Variants in GALR3 observed in about 807,000 individuals in gnomAD.
The protein encoded by GALR3 is galanin receptor 3.
A neutral mutation model predicts 6.9 loss-of-function variants in GALR3; 5 were observed. That is an observed-to-expected ratio of 0.72 (90% confidence interval 0.38 to 1.52). The LOEUF (loss-of-function observed/expected upper bound fraction) is 1.52. Ranked by LOEUF, GALR3 falls within the 40% of genes most tolerant of loss-of-function variation. The probability of loss-of-function intolerance (pLI) is 0.03; values close to 1 mark genes in which losing one functional copy is unlikely to be tolerated. For synonymous variants in GALR3, 308 were observed against 263.6 expected (o/e 1.17, Z -1.63); for missense variants, 570 against 545.6 (o/e 1.04, Z -0.44).
rs1922500869 is a variant in GALR3 at position 37,823,465 on chromosome 22, T to A, written c.59T>A (p.Val20Glu). ...DSPGSVGAVA[V>E]PVVFALIFLL... The stretch of plus-strand genomic sequence containing the variant: ...CCAGGGAGTGTGGGGGCCGTGGCAG[T>A]GCCTGTGGTCTTTGCCCTAATCTTC... The change falls in exon 1 of 2, where the codon GTG (valine) becomes GAG (glutamate). Residue 20 changes from valine (V) to glutamate (E), a missense_variant. Physicochemically the swap from Val to Glu is moderately radical, Grantham distance 121 (BLOSUM62 -2). Coordinates refer to ENST00000249041, the MANE Select transcript of GALR3 (RefSeq NM_003614.2). 4.3e-6 allele frequency: 7 copies of A among 1,612,198 alleles called. No homozygotes were observed. The highest frequency in any genetic ancestry group is 5.9e-6 in the Non-Finnish European group (7 of 1,178,734).
Position 37,825,168 on chromosome 22 carries a change from A to T in GALR3, c.805A>T (p.Thr269Ser), listed in dbSNP as rs777662943. 8.7e-6 allele frequency: 13 copies of T among 1,489,808 alleles called. No individual in the cohort carries two copies. In the South Asian group the frequency reaches 1.6e-4, roughly 18 times the overall value. The allele number at this position is 1,489,808 out of a possible 1,614,324, so 92.3% of individuals were successfully genotyped here. A position where few individuals can be genotyped will look rare whatever the true frequency, so the allele number is the denominator to read the frequency against. The change falls in exon 2 of 2, where the codon ACC (threonine) becomes TCC (serine). Residue 269 changes from threonine to serine, a missense_variant. By Grantham distance (58) the Thr-to-Ser change is moderately conservative. Coordinates refer to ENST00000249041, the MANE Select transcript of GALR3 (RefSeq NM_003614.2). ...CGGCCGCTTCGCCTTCAGCCCGGCCACCTACGCCTGCCGCCTGGCCTCACA... is the reference window on the plus strand; with the variant it reads ...CGGCCGCTTCGCCTTCAGCCCGGCCTCCTACGCCTGCCGCCTGGCCTCACA... Reference protein sequence around the residue: ...WYGRFAFSPATYACRLASHCL... With the variant: ...WYGRFAFSPASYACRLASHCL...
chr22:37,825,379 C>T lies in GALR3; in HGVS notation c.1016C>T (p.Pro339Leu), dbSNP rs924663766. 2.2e-6 allele frequency: 3 copies of T among 1,383,202 alleles called. No homozygotes were observed. Among genetic ancestry groups the T allele is most frequent in the Non-Finnish European group, 2.8e-6 (3 of 1,063,718 alleles). The allele number at this position is 1,383,202 out of a possible 1,614,324, so 85.7% of individuals were successfully genotyped here. The change falls in exon 2 of 2, where the codon CCT becomes CTT. Residue 339 changes from proline to leucine, a missense_variant. By Grantham distance (98) the Pro-to-Leu change is moderately conservative (BLOSUM62 -3). Coordinates refer to ENST00000249041, the MANE Select transcript of GALR3 (RefSeq NM_003614.2). ...GPPGCPGDARPSGRLLAGGGQ... is the reference protein window; with the variant it reads ...GPPGCPGDARLSGRLLAGGGQ... ...CCCGGCTGCCCCGGAGACGCCCGGC[C>T]TAGCGGGAGGCTGCTGGCTGGTGGC...
chr22:37,825,286 G>C lies in GALR3; in HGVS notation c.923G>C (p.Cys308Ser). The C allele has an allele frequency of 1.5e-6, 2 of 1,290,520 alleles. No individual in the cohort carries two copies. The highest frequency in any genetic ancestry group is 2.0e-6 in the Non-Finnish European group (2 of 1,019,486). 79.9% of individuals were successfully genotyped at this position (1,290,520 alleles called of 1,614,324 possible). A position where few individuals can be genotyped will look rare whatever the true frequency, so the allele number is the denominator to read the frequency against. The change falls in exon 2 of 2, where the codon TGC becomes TCC. Residue 308 changes from cysteine to serine, a missense_variant. By Grantham distance (112) the Cys-to-Ser change is moderately radical. Coordinates refer to ENST00000249041, the MANE Select transcript of GALR3 (RefSeq NM_003614.2). ...GCGCGCTTCCGCCGCCTGTGGCCGTGCGGCCGCCGACGCCGCCACCGTGCC... is the reference window on the plus strand; with the variant it reads ...GCGCGCTTCCGCCGCCTGTGGCCGTCCGGCCGCCGACGCCGCCACCGTGCC... ...FRARFRRLWPCGRRRRHRARR... is the reference protein window; with the variant it reads ...FRARFRRLWPSGRRRRHRARR...
chr22:37,825,398 T>G lies in GALR3; in HGVS notation c.1035T>G (p.Ala345=), dbSNP rs552259202. Reference sequence around the variant, plus strand: ...CCCGGCCTAGCGGGAGGCTGCTGGCTGGTGGCGGCCAGGGCCCGGAGCCCA... The same window carrying G: ...CCCGGCCTAGCGGGAGGCTGCTGGCGGGTGGCGGCCAGGGCCCGGAGCCCA... ...GDARPSGRLL[A]GGGQGPEPRE... The change falls in exon 2 of 2, where the codon GCT becomes GCG. Residue 345 remains alanine (A), a synonymous_variant. Coordinates refer to ENST00000249041, the MANE Select transcript of GALR3 (RefSeq NM_003614.2). 2 of 1,395,286 alleles carry G rather than the reference T, an allele frequency of 1.4e-6. No individual in the cohort carries two copies. Among genetic ancestry groups the G allele is most frequent in the South Asian group, 3.0e-5 (2 of 65,822 alleles). 86.4% of individuals were successfully genotyped at this position (1,395,286 alleles called of 1,614,324 possible).
Position 37,825,324 on chromosome 22 carries a change from C to T in GALR3, c.961C>T (p.Arg321Cys), listed in dbSNP as rs1922581813. ...RRRHRARRAL[R>C]RVRPASSGPP... ...CCGCCACCGTGCCCGCCGCGCCTTG[C>T]GTCGCGTCCGCCCCGCGTCCTCGGG... Residue 321 changes from arginine to cysteine, a missense_variant, in exon 2 of 2, where the codon CGT (arginine) becomes TGT (cysteine). Coordinates refer to ENST00000249041, the MANE Select transcript of GALR3 (RefSeq NM_003614.2). The T allele has an allele frequency of 3.2e-6, 4 of 1,258,892 alleles. No homozygotes were observed. The highest frequency in any genetic ancestry group is 2.4e-4 in the Middle Eastern group (1 of 4,246). 78.0% of individuals were successfully genotyped at this position (1,258,892 alleles called of 1,614,324 possible). A position where few individuals can be genotyped will look rare whatever the true frequency, so the allele number is the denominator to read the frequency against.
Position 37,823,770 on chromosome 22 carries a change from G to C in GALR3, c.359+5G>C. On this transcript the variant is annotated splice_donor_5th_base_variant and intron_variant, in intron 1 of 1. Transcript: ENST00000249041. ...GGCTGCTGTCTCCGTGGACAGGTGC[G>C]CTGTGCCTGGGGCCTGGCTGGGCAG... 6.4e-7 allele frequency: 1 copy of C among 1,554,676 alleles called. No homozygotes were observed. The highest frequency in any genetic ancestry group is 1.1e-5 in the South Asian group (1 of 89,018).
Position 37,823,493 on chromosome 22 carries a change from G to T in GALR3, c.87G>T (p.Leu29=). 1.2e-6 allele frequency: 2 copies of T among 1,614,044 alleles called. No homozygotes were observed. The highest frequency in any genetic ancestry group is 2.2e-5 in the East Asian group (1 of 44,872). The stretch of plus-strand genomic sequence containing the variant: ...CTGTGGTCTTTGCCCTAATCTTCCT[G>T]CTGGGCACAGTGGGCAATGGGCTGG... ...AVPVVFALIF[L]LGTVGNGLVL... is the part of the protein sequence containing the mutation. The change falls in exon 1 of 2, where the codon CTG becomes CTT. Residue 29 remains leucine, a synonymous_variant. Transcript: ENST00000249041.
chr22:37,825,435 G>C lies in GALR3; in HGVS notation c.1072G>C (p.Val358Leu), dbSNP rs1922586920. The C allele has an allele frequency of 7.2e-7, 1 of 1,390,258 alleles. No homozygotes were observed. Among genetic ancestry groups the C allele is most frequent in the Non-Finnish European group, 9.3e-7 (1 of 1,069,540 alleles). 86.1% of individuals were successfully genotyped at this position (1,390,258 alleles called of 1,614,324 possible). A position where few individuals can be genotyped will look rare whatever the true frequency, so the allele number is the denominator to read the frequency against. Residue 358 changes from valine (V) to leucine (L), a missense_variant, in exon 2 of 2, where the codon GTC becomes CTC. By Grantham distance (32) the Val-to-Leu change is conservative (BLOSUM62 1). Coordinates refer to ENST00000249041, the MANE Select transcript of GALR3 (RefSeq NM_003614.2). ...GGGCCCGGAGCCCAGGGAGGGACCC[G>C]TCCACGGCGGAGAGGCTGCCCGAGG... is the stretch of plus-strand genomic sequence containing the variant. ...GQGPEPREGP[V>L]HGGEAARGPE is the part of the protein sequence containing the mutation.
Position 37,824,716 on chromosome 22 carries a change from T to C in GALR3, c.360-7T>C, listed in dbSNP as rs13057964. The C allele has an allele frequency of 6.7e-6, 8 of 1,202,102 alleles. No homozygotes were observed. The African/African-American group carries it at 9.6e-5, about 14-fold the overall frequency. 74.5% of individuals were successfully genotyped at this position (1,202,102 alleles called of 1,614,324 possible). On this transcript the variant is annotated splice_region_variant and splice_polypyrimidine_tract_variant and intron_variant, in intron 1 of 1. Transcript: ENST00000249041. ...TGCCCGCCCCGCTGACCAGGCGCCC[T>C]CCGCAGGTACCTGGCCGTGCGGCAC...
chr22:37,824,593 C>T, intron 1 of GALR3, 130 bp from the exon 2 acceptor site: 1 of 415,288 alleles, frequency 2.4e-6, no homozygotes, highest in South Asian at 1.2e-4. Flanking sequence ...CGCGTTCACA[C>T]CCTTAATCCC....
At chr22:37,824,325 C>T (rs894507376) in intron 1 of GALR3, among the ~76,000 whole-genome samples, 1 of 152,074 alleles carries the variant, frequency 6.6e-6, no homozygotes, top group Non-Finnish European at 1.5e-5. Context: ...CCCGCCTCGG[C>T]CTCCCAAGTG....
chr22:37,824,874 C>T lies in GALR3; in HGVS notation c.511C>T (p.Leu171Phe), dbSNP rs1601709927. 7.2e-7 allele frequency: 1 copy of T among 1,398,256 alleles called. No individual in the cohort carries two copies. The highest frequency in any genetic ancestry group is 9.3e-7 in the Non-Finnish European group (1 of 1,072,358). The allele number at this position is 1,398,256 out of a possible 1,614,324, so 86.6% of individuals were successfully genotyped here. ...YGTVRYGALE[L>F]CVPAWEDARR... ...CACCGTGCGCTACGGCGCGCTGGAG[C>T]TCTGCGTGCCCGCCTGGGAGGACGC... Residue 171 changes from leucine to phenylalanine, a missense_variant, in exon 2 of 2, where the codon CTC becomes TTC. Leu to Phe is a conservative substitution (Grantham distance 22). Transcript: ENST00000249041.
rs1347466243 is a variant in GALR3 at position 37,825,483 on chromosome 22, G to C, written c.*13G>C. 7.7e-7 allele frequency: 1 copy of C among 1,306,266 alleles called. No homozygotes were observed. Among genetic ancestry groups the C allele is most frequent in the East Asian group, 3.1e-5 (1 of 32,000 alleles). The allele number at this position is 1,306,266 out of a possible 1,614,324, so 80.9% of individuals were successfully genotyped here. A position where few individuals can be genotyped will look rare whatever the true frequency, so the allele number is the denominator to read the frequency against. On this transcript the variant is annotated 3_prime_UTR_variant, in exon 2 of 2. Coordinates refer to ENST00000249041, the MANE Select transcript of GALR3 (RefSeq NM_003614.2). ...AGGACCGGAATAAACCCTGCCGCCT[G>C]GACTCCGCCTGTGTCCGTCTGTCTC...
chr22:37,823,916 C>G (rs548159102), intron 1 of GALR3, 151 bp downstream of exon 1: 4 of 604,392 alleles, frequency 6.6e-6, no homozygotes, highest in East Asian at 2.8e-5. Flanking sequence ...CCTGACCCCT[C>G]GCAAGCAGCC....
intron 1 of GALR3, among the ~76,000 whole-genome samples, chr22:37,824,124 TG>T (rs1198905168): frequency 0.012 from 1,158 of 93,346 alleles, 17 homozygotes; most frequent in African/African-American, 0.054. Flanking sequence ...TTTGTTTTGT[TG>T]TTTTTTTTTT....
Position 37,824,695 on chromosome 22 carries a change from C to T in GALR3, c.360-28C>T, listed in dbSNP as rs1922542766. 3 of 1,188,588 alleles carry T rather than the reference C, an allele frequency of 2.5e-6. No homozygotes were observed. The African/African-American group carries it at 4.8e-5, about 19-fold the overall frequency. The allele number at this position is 1,188,588 out of a possible 1,614,324, so 73.6% of individuals were successfully genotyped here. On this transcript the variant is annotated intron_variant, in intron 1 of 1. Transcript: ENST00000249041. ...GGGCCCCTGCGGGAGGGCACCTGCC[C>T]GCCCCGCTGACCAGGCGCCCTCCGC...
In GALR3 at chr22:37,825,397, C is replaced by T; in HGVS notation, c.1034C>T (p.Ala345Val). The T allele has an allele frequency of 7.2e-7, 1 of 1,393,980 alleles. No homozygotes were observed. 86.4% of individuals were successfully genotyped at this position (1,393,980 alleles called of 1,614,324 possible). Residue 345 changes from alanine to valine, a missense_variant, in exon 2 of 2, where the codon GCT becomes GTT. Coordinates refer to ENST00000249041, the MANE Select transcript of GALR3 (RefSeq NM_003614.2). Reference sequence around the variant, plus strand: ...GCCCGGCCTAGCGGGAGGCTGCTGGCTGGTGGCGGCCAGGGCCCGGAGCCC... The same window carrying T: ...GCCCGGCCTAGCGGGAGGCTGCTGGTTGGTGGCGGCCAGGGCCCGGAGCCC... ...GDARPSGRLL[A>V]GGGQGPEPRE...
At position 37,824,710 on chromosome 22, in the gene GALR3, G is replaced by A; in HGVS notation, c.360-13G>A. ...GGCACCTGCCCGCCCCGCTGACCAG[G>A]CGCCCTCCGCAGGTACCTGGCCGTG... is the stretch of plus-strand genomic sequence containing the variant. On this transcript the variant is annotated splice_polypyrimidine_tract_variant and intron_variant, in intron 1 of 1. Coordinates refer to ENST00000249041, the MANE Select transcript of GALR3 (RefSeq NM_003614.2). 4 of 1,201,278 alleles carry A rather than the reference G, an allele frequency of 3.3e-6. No homozygotes were observed. Among genetic ancestry groups the A allele is most frequent in the South Asian group, 8.0e-5 (2 of 25,080 alleles). 74.4% of individuals were successfully genotyped at this position (1,201,278 alleles called of 1,614,324 possible). A position where few individuals can be genotyped will look rare whatever the true frequency, so the allele number is the denominator to read the frequency against.
At position 37,823,675 on chromosome 22, in the gene GALR3, T is replaced by C. The variant is rs1922510087; in HGVS notation, c.269T>C (p.Phe90Ser). 6.2e-7 allele frequency: 1 copy of C among 1,613,902 alleles called. No individual in the cohort carries two copies. Among genetic ancestry groups the C allele is most frequent in the Non-Finnish European group, 8.5e-7 (1 of 1,179,928 alleles). The change falls in exon 1 of 2, where the codon TTT (phenylalanine) becomes TCT (serine). Residue 90 changes from phenylalanine to serine, a missense_variant. Coordinates refer to ENST00000249041, the MANE Select transcript of GALR3 (RefSeq NM_003614.2). ...ATIYTLDAWL[F>S]GALVCKAVHL... ...ATCTACACGCTGGATGCCTGGCTCT[T>C]TGGGGCCCTCGTCTGCAAGGCCGTG... is the stretch of plus-strand genomic sequence containing the variant.
Sources: allele counts gnomAD v4.1 joint callset (sites outside exome capture counted in the v4.1 genomes callset), GRCh38; gene constraint gnomAD v4.1.1; transcripts MANE v1.5; gene names NCBI Gene and HGNC (gene_info 2026-07-23, HGNC 2026-07-21).